RP1: variants seen among roughly 807,000 people sequenced by gnomAD.
RP1 encodes oxygen-regulated protein 1.
RP1 carries 16 observed loss-of-function variants against 14.8 expected under a neutral mutation model. The observed-to-expected ratio is 1.08, with a 90% confidence interval of 0.73 to 1.65. The LOEUF (loss-of-function observed/expected upper bound fraction) is 1.65. Ranked by LOEUF, RP1 falls within the 40% of genes most tolerant of loss-of-function variation. The pLI is 0.00. For missense variants in RP1, 2,631 were observed against 2,535.0 expected (o/e 1.04, Z -0.81); for synonymous variants, 876 against 883.6 (o/e 0.99, Z 0.15).
chr8:54,809,176 T>C (rs1335072352), intron 24 of RP1, among the ~76,000 whole-genome samples: 1 of 152,250 alleles, frequency 6.6e-6, no homozygotes, highest in Non-Finnish European at 1.5e-5. Flanking sequence ...AATGTGGCTC[T>C]ATACAAGATT....
chr8:54,829,226 T>A (rs1233375344), intron 24 of RP1, among the ~76,000 whole-genome samples: 1 of 152,186 alleles, frequency 6.6e-6, no homozygotes. Context: ...AGATAGGAAG[T>A]GGATTTGGTT....
intron 19 of RP1, among the ~76,000 whole-genome samples, chr8:54,744,919 T>C (rs1186274182): frequency 6.6e-6 from 1 of 152,202 alleles, no homozygotes; most frequent in Non-Finnish European, 1.5e-5. Flanking sequence ...AATACATAGA[T>C]TTCAGTGTGT....
intron 6 of RP1, among the ~76,000 whole-genome samples, chr8:54,659,577 T>C (rs1197987405): frequency 6.6e-6 from 1 of 152,218 alleles, no homozygotes; most frequent in Non-Finnish European, 1.5e-5. Flanking sequence ...TATTCTATTC[T>C]ATTAGTCTGT....
At chr8:54,734,193 A>G (rs761664663) in intron 17 of RP1, among the ~76,000 whole-genome samples, 51 of 152,128 alleles carry the variant, frequency 3.4e-4, no homozygotes, top group Non-Finnish European at 1.0e-4. Flanking sequence ...GTAGTTCTAT[A>G]TAAAATATGT....
At chr8:54,754,961 C>T in intron 20 of RP1, 2 of 1,479,176 alleles carry the variant, frequency 1.4e-6, no homozygotes, top group South Asian at 2.7e-5. Context: ...TCAGTAGCAT[C>T]TATTCCATAG....
Position 54,629,431 on chromosome 8 carries a change from A to G in RP1, c.5549A>G (p.His1850Arg). 1.2e-6 allele frequency: 2 copies of G among 1,614,186 alleles called. No individual in the cohort carries two copies. Among genetic ancestry groups the G allele is most frequent in the South Asian group, 1.1e-5 (1 of 91,082 alleles). The change falls in exon 4 of 4, where the codon CAT becomes CGT. Residue 1850 changes from histidine (H) to arginine (R), a missense_variant. Physicochemically the swap from His to Arg is conservative, Grantham distance 29. Coordinates refer to ENST00000220676, the MANE Select transcript of RP1 (RefSeq NM_006269.2). Reference protein sequence around the residue: ...ETCAKERIANHHTEEKGSHQS... With the variant: ...ETCAKERIANRHTEEKGSHQS... ...TGTGCCAAGGAAAGAATAGCAAATC[A>G]TCATACAGAGGAGAAGGGTAGTCAT...
At chr8:54,758,716 A>C (rs1809566900) in intron 21 of RP1, among the ~76,000 whole-genome samples, 1 of 152,184 alleles carries the variant, frequency 6.6e-6, no homozygotes, top group South Asian at 2.1e-4. Context: ...GAGTGAAAAA[A>C]CAGCCAGAAA....
At chr8:54,667,740 G>A (rs1332907368) in intron 7 of RP1, among the ~76,000 whole-genome samples, 1 of 152,052 alleles carries the variant, frequency 6.6e-6, no homozygotes, top group Non-Finnish European at 1.5e-5. Context: ...TGGAAGAACT[G>A]AAAGTCAGAA....
intron 25 of RP1, among the ~76,000 whole-genome samples, chr8:54,852,163 A>C (rs1812073127): frequency 1.3e-5 from 2 of 152,156 alleles, no homozygotes; most frequent in Non-Finnish European, 2.9e-5. Flanking sequence ...CATTGTTAGA[A>C]TAATCTCCAA....
intron 14 of RP1, among the ~76,000 whole-genome samples, chr8:54,706,092 A>G (rs1808144279): frequency 6.6e-6 from 1 of 152,170 alleles, no homozygotes; most frequent in African/African-American, 2.4e-5. Context: ...TCCATAATTC[A>G]GTTACTCTTA....
At chr8:54,661,970 T>G (rs1337921545) in intron 6 of RP1, among the ~76,000 whole-genome samples, 1 of 152,146 alleles carries the variant, frequency 6.6e-6, no homozygotes, top group Non-Finnish European at 1.5e-5. Context: ...CTTTAAATTT[T>G]CTATTTCTTT....
downstream of RP1, among the ~76,000 whole-genome samples, chr8:54,632,108 C>T (rs1806258327): frequency 6.6e-6 from 1 of 152,084 alleles, no homozygotes; most frequent in Non-Finnish European, 1.5e-5. Flanking sequence ...TCCCAAAGTG[C>T]TGGGATTACA....
chr8:54,780,257 C>A (rs1387655280), intron 23 of RP1, among the ~76,000 whole-genome samples: 1 of 152,240 alleles, frequency 6.6e-6, no homozygotes, highest in African/African-American at 2.4e-5. Context: ...GGATTTGGCC[C>A]ATGGGCCATA....
intron 17 of RP1, among the ~76,000 whole-genome samples, chr8:54,729,962 G>A (rs79102864): frequency 0.012 from 1,783 of 151,958 alleles, 36 homozygotes; most frequent in African/African-American, 0.04. Flanking sequence ...GGCATCCAGA[G>A]TGAACTATAG....
chr8:54,774,998 T>C (rs1809998130), intron 23 of RP1, among the ~76,000 whole-genome samples: 1 of 152,026 alleles, frequency 6.6e-6, no homozygotes. Flanking sequence ...CTGTCATAAA[T>C]ATCAGGGTGT....
chr8:54,629,617 C>G lies in RP1; in HGVS notation c.5735C>G (p.Ala1912Gly), dbSNP rs773961717. Residue 1912 changes from alanine (A) to glycine (G), a missense_variant, in exon 4 of 4, where the codon GCT (alanine) becomes GGT (glycine). By Grantham distance (60) the Ala-to-Gly change is moderately conservative. Coordinates refer to ENST00000220676, the MANE Select transcript of RP1 (RefSeq NM_006269.2). Reference protein sequence around the residue: ...QEADSLDKLYALCGQHCPILT... With the variant: ...QEADSLDKLYGLCGQHCPILT... ...GCTGACTCTTTGGATAAACTGTATG[C>G]TCTTTGTGGTCAACATTGCCCAATA... The G allele has an allele frequency of 6.2e-7, 1 of 1,613,930 alleles. No homozygotes were observed. Among genetic ancestry groups the G allele is most frequent in the Non-Finnish European group, 8.5e-7 (1 of 1,179,988 alleles).
intron 17 of RP1, among the ~76,000 whole-genome samples, chr8:54,734,280 T>G (rs1340825983): frequency 6.6e-6 from 1 of 152,106 alleles, no homozygotes; most frequent in Non-Finnish European, 1.5e-5. Context: ...TGCTATAGCA[T>G]TGAGGATAAG....
At chr8:54,722,169 G>T (rs1417540448) in intron 16 of RP1, among the ~76,000 whole-genome samples, 7 of 150,916 alleles carry the variant, frequency 4.6e-5, no homozygotes, top group Non-Finnish European at 7.4e-5. Flanking sequence ...GAGGCGGAGG[G>T]TGCAGTGAGC....
At chr8:54,760,855 T>C (rs1809621461) in intron 22 of RP1, among the ~76,000 whole-genome samples, 1 of 152,176 alleles carries the variant, frequency 6.6e-6, no homozygotes, top group African/African-American at 2.4e-5. Context: ...TATGACTTAA[T>C]TGGCCAAACT....
Sources: allele counts gnomAD v4.1 joint callset (sites outside exome capture counted in the v4.1 genomes callset), GRCh38; gene constraint gnomAD v4.1.1; transcripts MANE v1.5; gene names NCBI Gene and HGNC (gene_info 2026-07-23, HGNC 2026-07-21).